The following ATP2B3 variants were observed in gnomAD, a reference collection of about 807,000 sequenced individuals.
ATP2B3 encodes the protein ATPase plasma membrane Ca2+ transporting 3.
Under a neutral mutation model 70.8 loss-of-function variants are expected in ATP2B3, and 12 were observed. That is an observed-to-expected ratio of 0.17 (90% CI 0.11 to 0.27). The LOEUF (loss-of-function observed/expected upper bound fraction) is 0.27. ATP2B3 is among the 10% of genes least tolerant of loss of function. ATP2B3 has a pLI of 1.00. For missense variants in ATP2B3, 858 were observed against 1,118.5 expected, an observed-to-expected ratio of 0.77 and a Z score of 3.32; for synonymous variants, 460 against 497.8, an observed-to-expected ratio of 0.92 and a Z score of 1.01.
At position 153,549,703 on chromosome X, in the gene ATP2B3, C is replaced by T; in HGVS notation, c.1545C>T (p.Ala515=). ...TPKILDLLVH[A]ISINSAYTTK... is the part of the protein sequence containing the mutation. ...AGATCCTCGACCTCCTGGTCCATGCCATCTCCATCAACAGTGCCTATACCA... is the reference window on the plus strand; with the variant it reads ...AGATCCTCGACCTCCTGGTCCATGCTATCTCCATCAACAGTGCCTATACCA... Residue 515 remains alanine, a synonymous_variant, in exon 11 of 22, where the codon GCC becomes GCT. Coordinates refer to ENST00000263519, the MANE Select transcript of ATP2B3 (RefSeq NM_001001344.3). 5 of 1,212,103 alleles carry T rather than the reference C, an allele frequency of 4.1e-6. No individual in the cohort carries two copies. Among genetic ancestry groups the T allele is most frequent in the Non-Finnish European group, 5.6e-6 (5 of 895,556 alleles).
intron 21 of ATP2B3, among the ~76,000 whole-genome samples, chrX:153,565,854 C>T (rs782326204): frequency 2.7e-5 from 3 of 112,796 alleles, no homozygotes; most frequent in Admixed American, 9.3e-5. Flanking sequence ...AAACGGCGCT[C>T]GCCTAGGCCT....
At chrX:153,546,297 G>A (rs1316916258) in intron 8 of ATP2B3, among the ~76,000 whole-genome samples, 168 bp downstream of exon 8, 1 of 112,176 alleles carries the variant, frequency 8.9e-6, no homozygotes, top group African/African-American at 3.2e-5. Flanking sequence ...AGGGAGGAGA[G>A]AGCACACCCC....
intron 20 of ATP2B3, 150 bp from the exon 21 acceptor site, chrX:153,564,771 T>C: frequency 1.8e-6 from 1 of 569,321 alleles, no homozygotes; most frequent in East Asian, 4.1e-5. Flanking sequence ...CCGGGGGGAC[T>C]GCTCTAGCTT....
At chrX:153,532,678 A>G (rs1025680576) in intron 2 of ATP2B3, among the ~76,000 whole-genome samples, 1 of 111,978 alleles carries the variant, frequency 8.9e-6, no homozygotes, top group Non-Finnish European at 1.9e-5. Flanking sequence ...TCTCATTTCA[A>G]TGAAGCCAAT....
intron 13 of ATP2B3, among the ~76,000 whole-genome samples, chrX:153,555,341 G>T (rs1243154854): frequency 9.0e-6 from 1 of 110,976 alleles, no homozygotes; most frequent in African/African-American, 3.3e-5. Flanking sequence ...ACCGCCGCAG[G>T]CTCCCCAGGC....
rs182688884 is a variant in ATP2B3 at position 153,577,957 on chromosome X, G to C, written c.3343-2021G>C. Among the ~76,000 whole-genome samples the C allele has an allele frequency of 1.7e-3, 185 of 111,432 alleles. 1 individual carries two copies. The highest frequency in any genetic ancestry group is 5.5e-3 in the African/African-American group (168 of 30,625). ...TTGCACTGGAGAGGTGATGAGGTTG[G>C]CATCATTTCAGCTGATTCCGAAGCA... On this transcript the variant is annotated intron_variant, in intron 21 of 21. Transcript: ENST00000263519.
chrX:153,565,133 C>T (rs2090686259), intron 21 of ATP2B3, 30 bp downstream of exon 21: 8 of 1,154,715 alleles, frequency 6.9e-6, no homozygotes, highest in Non-Finnish European at 9.2e-6. Flanking sequence ...CGCCCTGGCA[C>T]TTCCACCCCA....
chrX:153,569,548 G>A (rs2090758138), intron 21 of ATP2B3: 10 of 1,185,830 alleles, frequency 8.4e-6, no homozygotes, highest in South Asian at 5.5e-5. Flanking sequence ...CCTCCCCTCC[G>A]TGATAGCCTG....
At chrX:153,540,961 T>C (rs2090270303) in intron 3 of ATP2B3, among the ~76,000 whole-genome samples, 1 of 112,433 alleles carries the variant, frequency 8.9e-6, no homozygotes, top group Admixed American at 9.3e-5. Flanking sequence ...CATACCCTGC[T>C]GGGTCCCCTC....
chrX:153,522,412 G>A (rs57346199), intron 2 of ATP2B3, among the ~76,000 whole-genome samples: 14,485 of 111,876 alleles, frequency 0.13, 795 homozygotes, highest in East Asian at 0.24. Context: ...GAGGCCAGCC[G>A]GTATCTCCCA....
rs782708667 is a variant in ATP2B3 at position 153,542,411 on chromosome X, G to A, written c.753G>A (p.Val251=). The A allele has an allele frequency of 4.1e-6, 5 of 1,211,678 alleles. No homozygotes were observed. The highest frequency in any genetic ancestry group is 3.4e-6 in the Non-Finnish European group (3 of 895,520). The change falls in exon 6 of 22, where the codon GTG becomes GTA. Residue 251 remains valine (V), a synonymous_variant. Coordinates refer to ENST00000263519, the MANE Select transcript of ATP2B3 (RefSeq NM_001001344.3). ...ESSLTGESDH[V]RKSADKDPML... is the part of the protein sequence containing the mutation. ...CCCTGACGGGCGAGTCTGACCACGTGCGCAAGTCAGCTGACAAAGATCCCA... is the reference window on the plus strand; with the variant it reads ...CCCTGACGGGCGAGTCTGACCACGTACGCAAGTCAGCTGACAAAGATCCCA...
chrX:153,518,235 G>A (rs1569532887), intron 1 of ATP2B3, among the ~76,000 whole-genome samples, 197 bp from the exon 2 acceptor site: 1 of 112,923 alleles, frequency 8.9e-6, no homozygotes, highest in Non-Finnish European at 1.9e-5. Flanking sequence ...GAGCCCGCCA[G>A]TGCGCACGCA....
chrX:153,569,317 T>A (rs1557019153), intron 21 of ATP2B3: 2 of 543,890 alleles, frequency 3.7e-6, no homozygotes, highest in Non-Finnish European at 6.7e-6. Flanking sequence ...AAGGGGCATT[T>A]CTGACATGTT....
At chrX:153,554,754 G>A (rs1287900164) in intron 13 of ATP2B3, among the ~76,000 whole-genome samples, 1 of 112,765 alleles carries the variant, frequency 8.9e-6, no homozygotes, top group Non-Finnish European at 1.9e-5. Context: ...CTGGAGCTGG[G>A]CCGGCCGGGG....
intron 8 of ATP2B3, among the ~76,000 whole-genome samples, chrX:153,546,757 G>A (rs782567205): frequency 1.8e-5 from 2 of 113,207 alleles, no homozygotes; most frequent in Non-Finnish European, 3.7e-5. Flanking sequence ...GAGTCCATGG[G>A]GAACAAGGCA....
intron 2 of ATP2B3, among the ~76,000 whole-genome samples, chrX:153,532,647 C>G (rs1024909051): frequency 8.9e-6 from 1 of 111,941 alleles, no homozygotes. Flanking sequence ...CCGGAAGGTG[C>G]GAGGCCCCCT....
chrX:153,550,028 C>T lies in ATP2B3; in HGVS notation c.1582-17C>T. 1 of 1,205,377 alleles carries T rather than the reference C, an allele frequency of 8.3e-7. No individual in the cohort carries two copies. The highest frequency in any genetic ancestry group is 1.1e-6 in the Non-Finnish European group (1 of 891,198). ...GTCTCAGGCCCCCAGTGCCTGCTAG[C>T]CCTCGTCATCTTGCAGCCTCCTGAG... On this transcript the variant is annotated splice_polypyrimidine_tract_variant and intron_variant, in intron 11 of 21. Transcript: ENST00000263519.
At chrX:153,520,487 T>G (rs2089944350) in intron 2 of ATP2B3, among the ~76,000 whole-genome samples, 1 of 113,066 alleles carries the variant, frequency 8.8e-6, no homozygotes, top group Non-Finnish European at 1.9e-5. Context: ...ACTGTCTCCA[T>G]CAGTGGTCAG....
At chrX:153,530,527 C>A (rs940511487) in intron 2 of ATP2B3, among the ~76,000 whole-genome samples, 2 of 112,873 alleles carry the variant, frequency 1.8e-5, no homozygotes, top group Non-Finnish European at 3.8e-5. Context: ...TGTCTGGACC[C>A]TTGTTAACGA....
Sources: gnomAD v4.1 joint callset for allele counts (sites outside exome capture counted in the v4.1 genomes callset) on GRCh38, gnomAD v4.1.1 for gene constraint, MANE v1.5 for transcripts, NCBI Gene and HGNC (gene_info 2026-07-23, HGNC 2026-07-21) for gene names.